Variants in KIF5C observed in about 807,000 individuals in gnomAD.
KIF5C encodes the protein kinesin heavy chain isoform 5C.
KIF5C carries 18 observed loss-of-function variants against 125.2 expected under a neutral mutation model. The ratio of observed to expected loss-of-function variants is 0.14; its 90% CI spans 0.10 to 0.21. The LOEUF is 0.21. Ranked by LOEUF, KIF5C falls within the 10% of genes least tolerant of loss-of-function variation. The probability of loss-of-function intolerance (pLI) is 1.00; values close to 1 mark genes in which losing one functional copy is unlikely to be tolerated. For missense variants in KIF5C, 780 were observed against 1,183.8 expected (o/e 0.66, Z 5.01); for synonymous variants, 405 against 434.0 (o/e 0.93, Z 0.83).
chr2:148,926,198 G>A (rs1467630520), intron 2 of KIF5C, among the ~76,000 whole-genome samples: 1 of 152,228 alleles, frequency 6.6e-6, no homozygotes, highest in Non-Finnish European at 1.5e-5. Context: ...GAGCAAATGG[G>A]AGGCAAGGAG....
chr2:148,918,614 G>T (rs1461802773), intron 1 of KIF5C, among the ~76,000 whole-genome samples: 2 of 152,296 alleles, frequency 1.3e-5, no homozygotes, highest in African/African-American at 2.4e-5. Context: ...CTAAGGGAAA[G>T]GAAGAGTTAA....
intron 2 of KIF5C, among the ~76,000 whole-genome samples, chr2:148,927,610 G>A (rs1292122212): frequency 1.3e-5 from 2 of 152,136 alleles, no homozygotes; most frequent in African/African-American, 4.8e-5. Flanking sequence ...GGAGTTTTTT[G>A]TGTTATGAAT....
At chr2:148,935,952 A>C (rs1281990917) in intron 3 of KIF5C, among the ~76,000 whole-genome samples, 1 of 152,244 alleles carries the variant, frequency 6.6e-6, no homozygotes, top group Non-Finnish European at 1.5e-5. Flanking sequence ...AGATAAGGGC[A>C]TTCCAGAGGA....
chr2:149,005,391 A>G lies in KIF5C; in HGVS notation c.2374-2A>G. 6.2e-7 allele frequency: 1 copy of G among 1,613,462 alleles called. No homozygotes were observed. The highest frequency in any genetic ancestry group is 8.5e-7 in the Non-Finnish European group (1 of 1,179,674). On this transcript the variant is annotated splice_acceptor_variant, in intron 21 of 25. Transcript: ENST00000435030. LOFTEE classifies it high-confidence loss of function. ...TAAGTGGCCTTTAAAAATCTCTTCC[A>G]GTCTAGAGAATTGCAGACACTGCAC...
At chr2:148,917,495 A>G (rs946130900) in intron 1 of KIF5C, among the ~76,000 whole-genome samples, 3 of 152,262 alleles carry the variant, frequency 2.0e-5, no homozygotes, top group African/African-American at 7.2e-5. Flanking sequence ...TGGGGATAAT[A>G]ATACCTAGCT....
At chr2:148,956,258 C>T (rs1682790151) in intron 10 of KIF5C, among the ~76,000 whole-genome samples, 1 of 152,202 alleles carries the variant, frequency 6.6e-6, no homozygotes. Context: ...GAAATGTAAA[C>T]TGCAAATTCA....
chr2:148,969,145 C>A (rs1460126674), intron 11 of KIF5C, among the ~76,000 whole-genome samples: 1 of 151,994 alleles, frequency 6.6e-6, no homozygotes, highest in East Asian at 1.9e-4. Flanking sequence ...TAAAAAAAAA[C>A]CCAAAAACCT....
intron 11 of KIF5C, 56 bp downstream of exon 11, chr2:148,962,175 ATTTTT>A: frequency 6.7e-7 from 1 of 1,494,414 alleles, no homozygotes; most frequent in East Asian, 2.5e-5. Flanking sequence ...TTTTATTTTT[ATTTTT>A]TTTGAGACAG....
chr2:148,969,886 C>G (rs1480506348), intron 11 of KIF5C, among the ~76,000 whole-genome samples: 6 of 152,140 alleles, frequency 3.9e-5, no homozygotes, highest in Non-Finnish European at 8.8e-5. Context: ...CAGGACGCTT[C>G]TGGAAGTCAT....
intron 15 of KIF5C, among the ~76,000 whole-genome samples, 196 bp downstream of exon 15, chr2:148,983,962 A>G (rs899779241): frequency 2.6e-5 from 4 of 152,244 alleles, no homozygotes; most frequent in African/African-American, 7.2e-5. Flanking sequence ...GAGGAGAAAA[A>G]AAATTATCTT....
At chr2:148,989,086 C>A (rs958659840) in intron 15 of KIF5C, among the ~76,000 whole-genome samples, 18 of 152,116 alleles carry the variant, frequency 1.2e-4, no homozygotes, top group Non-Finnish European at 1.3e-4. Context: ...ACACTGTACC[C>A]AGTGTGTGCT....
At chr2:148,954,481 G>T (rs1286694096) in intron 10 of KIF5C, among the ~76,000 whole-genome samples, 1 of 152,190 alleles carries the variant, frequency 6.6e-6, no homozygotes, top group Non-Finnish European at 1.5e-5. Flanking sequence ...TCACCCAATT[G>T]TGTTGGAAGC....
intron 25 of KIF5C, among the ~76,000 whole-genome samples, chr2:149,017,493 T>C (rs900649963): frequency 2.6e-5 from 4 of 152,166 alleles, no homozygotes; most frequent in Non-Finnish European, 4.4e-5. Context: ...TCTGCCCAGC[T>C]CCCTCGTTTT....
chr2:148,997,183 T>C (rs1681698938), intron 17 of KIF5C, 81 bp from the exon 18 acceptor site: 2 of 1,529,356 alleles, frequency 1.3e-6, no homozygotes, highest in African/African-American at 2.8e-5. Context: ...CCATTTTTCT[T>C]GCTTTTTGTT....
At chr2:148,902,913 A>G (rs918948272) in intron 1 of KIF5C, among the ~76,000 whole-genome samples, 15 of 152,194 alleles carry the variant, frequency 9.9e-5, no homozygotes, top group African/African-American at 3.6e-4. Context: ...GCTGAGTTTT[A>G]GTCCTGTGCC....
At chr2:149,012,425 A>G (rs986141674) in intron 25 of KIF5C, among the ~76,000 whole-genome samples, 1 of 152,216 alleles carries the variant, frequency 6.6e-6, no homozygotes, top group Non-Finnish European at 1.5e-5. Context: ...GCAGATGGGA[A>G]GAGGTGGCTC....
intron 3 of KIF5C, among the ~76,000 whole-genome samples, chr2:148,932,324 T>C (rs1682200300): frequency 6.6e-6 from 1 of 152,182 alleles, no homozygotes; most frequent in African/African-American, 2.4e-5. Context: ...CTATTTTTGG[T>C]CTGACATCCA....
At chr2:149,003,996 C>T (rs1002518596) in intron 21 of KIF5C, among the ~76,000 whole-genome samples, 48 of 152,208 alleles carry the variant, frequency 3.2e-4, no homozygotes, top group African/African-American at 1.1e-3. Flanking sequence ...GAGCTCCCTC[C>T]GGCAGGGCCT....
At chr2:149,013,474 G>A (rs1682272259) in intron 25 of KIF5C, among the ~76,000 whole-genome samples, 1 of 152,192 alleles carries the variant, frequency 6.6e-6, no homozygotes, top group Admixed American at 6.5e-5. Flanking sequence ...GCTGGAAAAG[G>A]TAGTCTTTTA....
Sources: gnomAD v4.1 joint callset for allele counts (sites outside exome capture counted in the v4.1 genomes callset) on GRCh38, gnomAD v4.1.1 for gene constraint, MANE v1.5 for transcripts, NCBI Gene and HGNC (gene_info 2026-07-23, HGNC 2026-07-21) for gene names.